MPDZ: variants seen among roughly 807,000 people sequenced by gnomAD.
MPDZ encodes the protein multiple PDZ domain crumbs cell polarity complex component.
MPDZ carries 234 observed loss-of-function variants against 239.1 expected under a neutral mutation model. The observed-to-expected ratio is 0.98, with a 90% confidence interval of 0.88 to 1.09. MPDZ has a LOEUF of 1.09. Ranked by LOEUF, MPDZ falls within the 50% of genes least tolerant of loss-of-function variation. The pLI is 0.00. For synonymous variants in MPDZ, 1,048 were observed against 881.3 expected (o/e 1.19, Z -3.35); for missense variants, 3,175 against 2,510.0 (o/e 1.26, Z -5.66).
At position 13,125,282 on chromosome 9, in the gene MPDZ, T is replaced by A; in HGVS notation, c.4741A>T (p.Lys1581Ter). 6.2e-7 allele frequency: 1 copy of A among 1,613,638 alleles called. No homozygotes were observed. The highest frequency in any genetic ancestry group is 8.5e-7 in the Non-Finnish European group (1 of 1,179,602). Residue 1581 changes from lysine to a stop codon, truncating the protein, a stop_gained, in exon 35 of 47, where the codon AAA (lysine) becomes TAA (stop). Coordinates refer to ENST00000319217, the MANE Select transcript of MPDZ (RefSeq NM_001378778.1). LOFTEE classifies it high-confidence loss of function. The stretch of plus-strand genomic sequence containing the variant: ...ATCAGAGACTGGGAGCTGTTCTTTT[T>A]TTCTCCACTGGCTGCACCAGCTGCT... Reference protein sequence around the residue: ...PSAAGAASGEKKNSSQSLMVP... With the variant: ...PSAAGAASGE
At chr9:13,263,947 C>T (rs550094938) in intron 1 of MPDZ, among the ~76,000 whole-genome samples, 1 of 152,216 alleles carries the variant, frequency 6.6e-6, no homozygotes, top group South Asian at 2.1e-4. Context: ...GCATGTTAAT[C>T]CACAATTATA....
chr9:13,230,002 A>C (rs183191408), intron 3 of MPDZ, among the ~76,000 whole-genome samples: 1 of 152,178 alleles, frequency 6.6e-6, no homozygotes, highest in African/African-American at 2.4e-5. Context: ...ATAGTAAAAA[A>C]AATCCAACTA....
In MPDZ at chr9:13,175,791, C is replaced by CA; in HGVS notation, c.3015dup (p.Glu1006Ter). On this transcript the variant is annotated frameshift_variant, in exon 21 of 47. Coordinates refer to ENST00000319217, the MANE Select transcript of MPDZ (RefSeq NM_001378778.1). LOFTEE classifies it high-confidence loss of function. ...CCTTTTGCTATATTAATAGTCCTTTCAAAAGATTCTTTAGATACATTTTGA... is the reference window on the plus strand; with the variant it reads ...CCTTTTGCTATATTAATAGTCCTTTCAAAAAGATTCTTTAGATACATTTTGA... 6.4e-7 allele frequency: 1 copy of CA among 1,574,740 alleles called. No homozygotes were observed. The highest frequency in any genetic ancestry group is 1.9e-5 in the Admixed American group (1 of 53,740).
chr9:13,109,499 C>T (rs964595587), intron 45 of MPDZ, among the ~76,000 whole-genome samples: 14 of 152,066 alleles, frequency 9.2e-5, no homozygotes, highest in African/African-American at 3.4e-4. Context: ...ATTTCTAATG[C>T]GCCTCTCTCT....
At chr9:13,133,943 T>C (rs370711791) in intron 31 of MPDZ, 39 bp from the exon 32 acceptor site, 2 of 1,200,280 alleles carry the variant, frequency 1.7e-6, no homozygotes, top group African/African-American at 1.5e-5. Flanking sequence ...AGCAACTGAG[T>C]GTTAGGAAAT....
rs41265288 is a variant in MPDZ, at chr9:13,183,547, T to C, written c.2520A>G (p.Thr840=). The part of the protein sequence containing the change: ...TNDADLVDES[T]FESPYSPEND... ...TTTCAGGAGAGTATGGAGACTCAAA[T>C]GTGGATTCATCTACTAAGTCAGCAT... Residue 840 remains threonine, a synonymous_variant, in exon 19 of 47, where the codon ACA becomes ACG. Coordinates refer to ENST00000319217, the MANE Select transcript of MPDZ (RefSeq NM_001378778.1). 1.1e-3 allele frequency: 1,791 copies of C among 1,612,556 alleles called. 1 individual carries two copies. Among genetic ancestry groups the C allele is most frequent in the Non-Finnish European group, 1.4e-3 (1,599 of 1,179,072 alleles).
intron 3 of MPDZ, among the ~76,000 whole-genome samples, chr9:13,227,637 G>A (rs1022412276): frequency 6.6e-6 from 1 of 152,164 alleles, no homozygotes; most frequent in African/African-American, 2.4e-5. Context: ...CTGATATTAT[G>A]AAAGAGTAGG....
intron 1 of MPDZ, among the ~76,000 whole-genome samples, chr9:13,258,480 C>CA (rs1434626043): frequency 2.0e-5 from 3 of 152,204 alleles, no homozygotes; most frequent in Non-Finnish European, 4.4e-5. Context: ...ATAGTTGCCT[C>CA]AGCAGTACCT....
chr9:13,219,704 C>G lies in MPDZ; in HGVS notation c.941G>C (p.Ser314Thr). The G allele has an allele frequency of 6.2e-7, 1 of 1,612,766 alleles. No homozygotes were observed. The highest frequency in any genetic ancestry group is 1.1e-5 in the South Asian group (1 of 91,064). Residue 314 changes from serine (S) to threonine (T), a missense_variant, in exon 8 of 47, where the codon AGC becomes ACC. Physicochemically the swap from Ser to Thr is moderately conservative, Grantham distance 58. Coordinates refer to ENST00000319217, the MANE Select transcript of MPDZ (RefSeq NM_001378778.1). ...KIGDTDLAGM[S>T]SEQVAQVLRQ... ...AAGGACTTGTGCTACTTGCTCACTG[C>G]TCATTCCTGCTAGATCTGTGTCACC...
intron 24 of MPDZ, among the ~76,000 whole-genome samples, chr9:13,156,496 T>C (rs549578473): frequency 6.6e-6 from 1 of 152,126 alleles, no homozygotes; most frequent in Non-Finnish European, 1.5e-5. Context: ...TAAAAGAGCT[T>C]GTGCAGGGCA....
chr9:13,158,934 G>A (rs1950146082), intron 23 of MPDZ, among the ~76,000 whole-genome samples: 1 of 152,132 alleles, frequency 6.6e-6, no homozygotes, highest in Admixed American at 6.6e-5. Context: ...TTGGCTGTTG[G>A]TAAAAATTGG....
At chr9:13,233,507 T>G (rs947547005) in intron 3 of MPDZ, among the ~76,000 whole-genome samples, 1 of 152,098 alleles carries the variant, frequency 6.6e-6, no homozygotes, top group African/African-American at 2.4e-5. Context: ...AGGGGAGGAT[T>G]AGGACTGACT....
intron 12 of MPDZ, among the ~76,000 whole-genome samples, chr9:13,200,858 T>C (rs553361830): frequency 1.3e-4 from 20 of 152,132 alleles, no homozygotes; most frequent in Middle Eastern, 3.4e-3. Context: ...GTATGTTCCA[T>C]ATGTTGTTGA....
At chr9:13,112,504 T>A (rs1239569495) in intron 42 of MPDZ, among the ~76,000 whole-genome samples, 1 of 152,186 alleles carries the variant, frequency 6.6e-6, no homozygotes, top group Non-Finnish European at 1.5e-5. Flanking sequence ...ATAAGTCCAC[T>A]CCACTCAATA....
At chr9:13,237,441 C>CAAAAAAA (rs71331532) in intron 3 of MPDZ, among the ~76,000 whole-genome samples, 2 of 54,692 alleles carry the variant, frequency 3.7e-5, no homozygotes, top group Admixed American at 2.6e-4. Flanking sequence ...GACACTGTCT[C>CAAAAAAA]AAAAAAAAAA....
chr9:13,115,346 CA>C lies in MPDZ; in HGVS notation c.5380-13del. The C allele has an allele frequency of 6.2e-7, 1 of 1,600,316 alleles. No individual in the cohort carries two copies. Among genetic ancestry groups the C allele is most frequent in the Non-Finnish European group, 8.6e-7 (1 of 1,168,832 alleles). On this transcript the variant is annotated splice_polypyrimidine_tract_variant and intron_variant, in intron 39 of 46. Coordinates refer to ENST00000319217, the MANE Select transcript of MPDZ (RefSeq NM_001378778.1). ...GTGCCTAGGGAACACTGGGGGTGGGCATGGGGGGTGTTTTATGGAAATGTTT... is the reference window on the plus strand; with the variant it reads ...GTGCCTAGGGAACACTGGGGGTGGGCTGGGGGGTGTTTTATGGAAATGTTT...
At chr9:13,114,787 C>A (rs1450119088) in intron 40 of MPDZ, among the ~76,000 whole-genome samples, 2 of 151,982 alleles carry the variant, frequency 1.3e-5, no homozygotes, top group East Asian at 3.9e-4. Context: ...GTAGTCCCAG[C>A]TACTCGGGAA....
At chr9:13,272,057 T>C (rs959856690) in intron 1 of MPDZ, among the ~76,000 whole-genome samples, 1 of 152,200 alleles carries the variant, frequency 6.6e-6, no homozygotes, top group African/African-American at 2.4e-5. Context: ...ATGTTCACTA[T>C]CTTGATTGTG....
chr9:13,125,539 A>C (rs1944985581), intron 34 of MPDZ, 149 bp from the exon 35 acceptor site: 1 of 705,348 alleles, frequency 1.4e-6, no homozygotes, highest in South Asian at 2.5e-5. Context: ...GACTTGGGTA[A>C]AGAAAGAAAT....
Sources: gnomAD v4.1 joint callset for allele counts (sites outside exome capture counted in the v4.1 genomes callset) on GRCh38, gnomAD v4.1.1 for gene constraint, MANE v1.5 for transcripts, NCBI Gene and HGNC (gene_info 2026-07-23, HGNC 2026-07-21) for gene names.